Variants in VAMP2 observed in about 807,000 individuals in gnomAD.
VAMP2 encodes the protein vesicle-associated membrane protein 2.
For synonymous variants in VAMP2, 67 were observed against 57.3 expected (o/e 1.17, Z -0.76); for missense variants, 95 against 151.3 (o/e 0.63, Z 1.95).
In VAMP2 at chr17:8,159,460, C is replaced by G. The variant is rs1261135744; in HGVS notation, c.*1395G>C. 1 of 152,610 alleles carries G rather than the reference C, an allele frequency of 6.6e-6. No individual in the cohort carries two copies. The highest frequency in any genetic ancestry group is 1.5e-5 in the Non-Finnish European group (1 of 68,046). The allele number at this position is 152,610 out of a possible 1,614,324, so 9.5% of individuals were successfully genotyped here. On this transcript the variant is annotated 3_prime_UTR_variant, in exon 5 of 5. Transcript: ENST00000316509. ...TTTAAAAAGACAATAGACCCTTCCT[C>G]AATCAGTTCACCCAATGAGAGGACA...
rs1983260313 is a variant in VAMP2 at position 8,160,380 on chromosome 17, G to GTTGTTTTTTTTTTTTT, written c.*474_*475insAAAAAAAAAAAAACAA. ...TAAGGAAGCCTGGACAGGTGCTGTT[G>GTTGTTTTTTTTTTTTT]TTTTTTTTTTTTTTTTTTTTTTTTT... On this transcript the variant is annotated 3_prime_UTR_variant, in exon 5 of 5. Coordinates refer to ENST00000316509, the MANE Select transcript of VAMP2 (RefSeq NM_014232.3). 2 of 35,108 alleles carry GTTGTTTTTTTTTTTTT rather than the reference G, an allele frequency of 5.7e-5. No individual in the cohort carries two copies. Among genetic ancestry groups the GTTGTTTTTTTTTTTTT allele is most frequent in the Non-Finnish European group, 1.0e-4 (2 of 20,096 alleles). The allele number at this position is 35,108 out of a possible 1,614,324, so 2.2% of individuals were successfully genotyped here. A position where few individuals can be genotyped will look rare whatever the true frequency, so the allele number is the denominator to read the frequency against.
chr17:8,160,339 A>G lies in VAMP2; in HGVS notation c.*516T>C, dbSNP rs547051764. The stretch of plus-strand genomic sequence containing the variant: ...CCAGTCTCAGAGCCTCCCAATGGAT[A>G]CAAAGAAGATGTACCTAAGGAAGCC... On this transcript the variant is annotated 3_prime_UTR_variant, in exon 5 of 5. Coordinates refer to ENST00000316509, the MANE Select transcript of VAMP2 (RefSeq NM_014232.3). 2.1e-5 allele frequency: 3 copies of G among 144,798 alleles called. No homozygotes were observed. In the South Asian group the frequency reaches 6.7e-4, roughly 32 times the overall value. 9.0% of individuals were successfully genotyped at this position (144,798 alleles called of 1,614,324 possible).
rs1983212615 is a variant in VAMP2, at chr17:8,159,175, C to T, written c.*1680G>A. On this transcript the variant is annotated 3_prime_UTR_variant, in exon 5 of 5. Transcript: ENST00000316509. ...GGTTACTCATTACACATTTATTGTACATTTTCACAATCTGGATGCGCCACA... is the reference window on the plus strand; with the variant it reads ...GGTTACTCATTACACATTTATTGTATATTTTCACAATCTGGATGCGCCACA... 1 of 141,990 alleles carries T rather than the reference C, an allele frequency of 7.0e-6. No homozygotes were observed. The allele number at this position is 141,990 out of a possible 1,614,324, so 8.8% of individuals were successfully genotyped here.
In VAMP2 at chr17:8,160,759, G is replaced by A. The variant is rs552331179; in HGVS notation, c.*96C>T. 2 of 1,398,884 alleles carry A rather than the reference G, an allele frequency of 1.4e-6. No homozygotes were observed. The highest frequency in any genetic ancestry group is 2.0e-6 in the Non-Finnish European group (2 of 1,014,132). The allele number at this position is 1,398,884 out of a possible 1,614,324, so 86.7% of individuals were successfully genotyped here. On this transcript the variant is annotated 3_prime_UTR_variant, in exon 5 of 5. Coordinates refer to ENST00000316509, the MANE Select transcript of VAMP2 (RefSeq NM_014232.3). ...ACGGACACACACACACACGGATCCA[G>A]GGGAGTGGGGGCTGAAAGATATGGC...
Position 8,160,681 on chromosome 17 carries a change from A to G in VAMP2, c.*174T>C. The G allele has an allele frequency of 5.1e-6, 2 of 396,010 alleles. No homozygotes were observed. The highest frequency in any genetic ancestry group is 8.5e-6 in the Non-Finnish European group (2 of 234,608). 24.5% of individuals were successfully genotyped at this position (396,010 alleles called of 1,614,324 possible). ...AAAACTACAAACAGACCAAATATAT[A>G]TAATATTATATATGTATAAATAACA... On this transcript the variant is annotated 3_prime_UTR_variant, in exon 5 of 5. Transcript: ENST00000316509.
intron 4 of VAMP2, 53 bp from the exon 5 acceptor site, chr17:8,160,924 G>C: frequency 1.2e-4 from 165 of 1,401,976 alleles, no homozygotes; most frequent in Non-Finnish European, 1.5e-4. Flanking sequence ...GAGAAAGAGA[G>C]AGAACAAGAA....
Position 8,160,861 on chromosome 17 carries a change from G to A in VAMP2, c.345C>T (p.Ser115=), listed in dbSNP as rs760274726. ...GGGCAGACTCCTCGGGGATTTAAGT[G>A]CTGAAGTAAACTGTGGAGAGAGGGG... ...IILIIIIVYF[S]T The change falls in exon 5 of 5, where the codon AGC becomes AGT. Residue 115 remains serine (S), a synonymous_variant. Transcript: ENST00000316509. 12 of 1,610,594 alleles carry A rather than the reference G, an allele frequency of 7.5e-6. No homozygotes were observed. Among genetic ancestry groups the A allele is most frequent in the Middle Eastern group, 1.6e-4 (1 of 6,066 alleles).
chr17:8,160,955 C>A, intron 4 of VAMP2, 84 bp from the exon 5 acceptor site: 2 of 1,277,418 alleles, frequency 1.6e-6, no homozygotes, highest in South Asian at 1.3e-5. Context: ...CAGGCCTGGC[C>A]CTGCTCCAAT....
chr17:8,160,896 A>G, intron 4 of VAMP2, 25 bp from the exon 5 acceptor site: 1 of 1,591,938 alleles, frequency 6.3e-7, no homozygotes, highest in South Asian at 1.1e-5. Context: ...GAAGAAGATG[A>G]GGAAGAGGGA....
chr17:8,160,380 G>GTTTTTTTTTTCTTTTTTT lies in VAMP2; in HGVS notation c.*474_*475insAAAAAAAGAAAAAAAAAA, dbSNP rs1983261107. 2.8e-5 allele frequency: 1 copy of GTTTTTTTTTTCTTTTTTT among 35,108 alleles called. No homozygotes were observed. Among genetic ancestry groups the GTTTTTTTTTTCTTTTTTT allele is most frequent in the Non-Finnish European group, 5.0e-5 (1 of 20,096 alleles). The allele number at this position is 35,108 out of a possible 1,614,324, so 2.2% of individuals were successfully genotyped here. On this transcript the variant is annotated 3_prime_UTR_variant, in exon 5 of 5. Transcript: ENST00000316509. ...TAAGGAAGCCTGGACAGGTGCTGTT[G>GTTTTTTTTTTCTTTTTTT]TTTTTTTTTTTTTTTTTTTTTTTTT...
chr17:8,162,188 C>G, intron 2 of VAMP2, 61 bp downstream of exon 2: 1 of 1,497,762 alleles, frequency 6.7e-7, no homozygotes, highest in Non-Finnish European at 8.9e-7. Context: ...ACATGGGCCC[C>G]TACACCTATA....
chr17:8,160,757 C>T lies in VAMP2; in HGVS notation c.*98G>A, dbSNP rs1983285340. ...ACACGGACACACACACACACGGATC[C>T]AGGGGAGTGGGGGCTGAAAGATATG... On this transcript the variant is annotated 3_prime_UTR_variant, in exon 5 of 5. Transcript: ENST00000316509. 2 of 1,320,866 alleles carry T rather than the reference C, an allele frequency of 1.5e-6. No homozygotes were observed. Among genetic ancestry groups the T allele is most frequent in the African/African-American group, 1.5e-5 (1 of 67,342 alleles). The allele number at this position is 1,320,866 out of a possible 1,614,324, so 81.8% of individuals were successfully genotyped here.
At chr17:8,161,153 T>G (rs955572893) in intron 4 of VAMP2, 8 of 556,900 alleles carry the variant, frequency 1.4e-5, no homozygotes, top group Non-Finnish European at 2.2e-5. Context: ...GGCTTCCTGG[T>G]CATGTCTCAA....
At chr17:8,162,400 G>T (rs1333082692) in intron 1 of VAMP2, 31 bp from the exon 2 acceptor site, 1 of 1,609,598 alleles carries the variant, frequency 6.2e-7, no homozygotes. Flanking sequence ...AAGACCCAGG[G>T]CCTGCAGCCT....
In VAMP2 at chr17:8,160,394, T is replaced by TTGTTTTTTTTTTG. The variant is rs1555524485; in HGVS notation, c.*460_*461insCAAAAAAAAAACA. On this transcript the variant is annotated 3_prime_UTR_variant, in exon 5 of 5. Transcript: ENST00000316509. ...CAGGTGCTGTTGTTTTTTTTTTTTT[T>TTGTTTTTTTTTTG]TTTTTTTTTTTGAGGGCGGGGCAGA... The TTGTTTTTTTTTTG allele has an allele frequency of 3.1e-5, 4 of 129,452 alleles. No homozygotes were observed. Among genetic ancestry groups the TTGTTTTTTTTTTG allele is most frequent in the Non-Finnish European group, 6.7e-5 (4 of 59,738 alleles). 8.0% of individuals were successfully genotyped at this position (129,452 alleles called of 1,614,324 possible). A position where few individuals can be genotyped will look rare whatever the true frequency, so the allele number is the denominator to read the frequency against.
intron 4 of VAMP2, 108 bp from the exon 5 acceptor site, chr17:8,160,979 C>A: frequency 1.0e-6 from 1 of 979,958 alleles, no homozygotes; most frequent in South Asian, 1.5e-5. Flanking sequence ...CCCCACTCCC[C>A]AGCTGGCTGA....
chr17:8,162,125 T>C, intron 2 of VAMP2, 124 bp downstream of exon 2: 1 of 1,412,062 alleles, frequency 7.1e-7, no homozygotes, highest in Non-Finnish European at 9.4e-7. Context: ...GGATGGGGCA[T>C]GGTATCTTTG....
Position 8,160,392 on chromosome 17 carries a change from T to G in VAMP2, c.*463A>C, listed in dbSNP as rs1026650243. On this transcript the variant is annotated 3_prime_UTR_variant, in exon 5 of 5. Coordinates refer to ENST00000316509, the MANE Select transcript of VAMP2 (RefSeq NM_014232.3). ...GACAGGTGCTGTTGTTTTTTTTTTT[T>G]TTTTTTTTTTTTTGAGGGCGGGGCA... is the stretch of plus-strand genomic sequence containing the variant. 3 of 130,174 alleles carry G rather than the reference T, an allele frequency of 2.3e-5. No homozygotes were observed. Among genetic ancestry groups the G allele is most frequent in the Non-Finnish European group, 4.9e-5 (3 of 60,860 alleles). The allele number at this position is 130,174 out of a possible 1,614,324, so 8.1% of individuals were successfully genotyped here.
chr17:8,161,006 C>A, intron 4 of VAMP2, 135 bp from the exon 5 acceptor site: 1 of 703,994 alleles, frequency 1.4e-6, no homozygotes, highest in Non-Finnish European at 2.4e-6. Flanking sequence ...CTCTTGGACT[C>A]AGTTTTTCCA....
Sources: gnomAD v4.1 joint callset for allele counts on GRCh38, gnomAD v4.1.1 for gene constraint, MANE v1.5 for transcripts, NCBI Gene and HGNC (gene_info 2026-07-23, HGNC 2026-07-21) for gene names.